ZDHHC15: variants seen among roughly 807,000 people sequenced by gnomAD.
ZDHHC15 encodes the protein palmitoyltransferase ZDHHC15.
ZDHHC15 carries 19 observed loss-of-function variants against 31.7 expected under a neutral mutation model. The ratio of observed to expected loss-of-function variants is 0.60; its 90% confidence interval spans 0.42 to 0.88. The LOEUF is 0.88. Ranked by LOEUF, ZDHHC15 falls within the 40% of genes least tolerant of loss-of-function variation. The probability of loss-of-function intolerance (pLI) is 0.00; values close to 1 mark genes in which losing one functional copy is unlikely to be tolerated. For synonymous variants in ZDHHC15, 103 were observed against 90.0 expected, an observed-to-expected ratio of 1.14 and a Z score of -0.82; for missense variants, 209 against 251.2, an observed-to-expected ratio of 0.83 and a Z score of 1.14.
At chrX:75,373,186 T>C (rs2083019664) in intron 11 of ZDHHC15, among the ~76,000 whole-genome samples, 1 of 111,826 alleles carries the variant, frequency 8.9e-6, no homozygotes, top group South Asian at 3.7e-4. Context: ...CTATTGAAAG[T>C]GGTGGATTCA....
chrX:75,514,673 G>A (rs377303333), intron 1 of ZDHHC15, among the ~76,000 whole-genome samples: 68 of 111,210 alleles, frequency 6.1e-4, no homozygotes, highest in Non-Finnish European at 1.1e-3. Context: ...CTGGAAAATC[G>A]GGACACTCCC....
At chrX:75,420,480 A>G (rs939913990) in intron 9 of ZDHHC15, among the ~76,000 whole-genome samples, 5 of 111,746 alleles carry the variant, frequency 4.5e-5, no homozygotes, top group African/African-American at 1.6e-4. Context: ...ATTATAAATC[A>G]TTCTACTATA....
intron 2 of ZDHHC15, chrX:75,501,774 C>A (rs2085091154): frequency 9.0e-6 from 1 of 111,514 alleles, no homozygotes. Context: ...ATGCCCTTTG[C>A]CCACTTTTCA....
intron 10 of ZDHHC15, among the ~76,000 whole-genome samples, chrX:75,382,798 T>C (rs1255076048): frequency 1.8e-5 from 2 of 111,931 alleles, no homozygotes; most frequent in Non-Finnish European, 3.8e-5. Context: ...AGGTTGAGGT[T>C]AGTCAGCTTG....
At chrX:75,502,052 G>A (rs370892447) in intron 2 of ZDHHC15, 5 of 111,917 alleles carry the variant, frequency 4.5e-5, no homozygotes, top group East Asian at 2.8e-4. Flanking sequence ...TCTTGTATCA[G>A]TTTGCTAGGG....
intron 9 of ZDHHC15, among the ~76,000 whole-genome samples, chrX:75,421,178 C>T (rs894918311): frequency 9.9e-6 from 1 of 101,227 alleles, no homozygotes; most frequent in Non-Finnish European, 2.0e-5. Flanking sequence ...TTGAATTTTT[C>T]GTTTTTCACT....
rs762749423 is a variant in ZDHHC15 at position 75,429,195 on chromosome X, A to G, written c.486T>C (p.Val162=). The G allele has an allele frequency of 1.7e-5, 20 of 1,194,437 alleles. No individual in the cohort carries two copies. Among genetic ancestry groups the G allele is most frequent in the Non-Finnish European group, 2.1e-5 (19 of 890,615 alleles). The change falls in exon 7 of 12, where the codon GTT becomes GTC. Residue 162 remains valine (V), a synonymous_variant. Coordinates refer to ENST00000373367, the MANE Select transcript of ZDHHC15 (RefSeq NM_144969.3). ...VLKMDHHCPW[V]NNCIGFSNYK... is the part of the protein sequence containing the mutation. The stretch of plus-strand genomic sequence containing the variant: ...AGTTGGAAAATCCAATGCAGTTATT[A>G]ACCCTAAAAAAAAAGAAAAACTAAT...
intron 4 of ZDHHC15, among the ~76,000 whole-genome samples, chrX:75,432,845 ATGG>A (rs891144195): frequency 1.9e-4 from 21 of 111,144 alleles, no homozygotes; most frequent in Admixed American, 9.6e-5. Context: ...TTAGCCAGGC[ATGG>A]TGGTGTGCAC....
rs1246113313 is a variant in ZDHHC15 at position 75,368,727 on chromosome X, T to A, written c.*4251A>T. 9.0e-6 allele frequency: 1 copy of A among 111,192 alleles called. No homozygotes were observed. The highest frequency in any genetic ancestry group is 1.9e-5 in the Non-Finnish European group (1 of 52,988). 9.2% of individuals were successfully genotyped at this position (111,192 alleles called of 1,213,427 possible). On this transcript the variant is annotated 3_prime_UTR_variant, in exon 12 of 12. Transcript: ENST00000373367. ...ATTCCTTGAATGCATCTTATCTAAT[T>A]TTTTTTTCCTTTAATGCCATTCCCT...
chrX:75,388,942 AGAGGCAC>A (rs937455002), intron 10 of ZDHHC15, among the ~76,000 whole-genome samples: 3 of 111,923 alleles, frequency 2.7e-5, no homozygotes, highest in Non-Finnish European at 5.6e-5. Flanking sequence ...TTTTAAGGAA[AGAGGCAC>A]TGAAGAGGGT....
intron 2 of ZDHHC15, among the ~76,000 whole-genome samples, chrX:75,491,134 C>T (rs2084881739): frequency 9.0e-6 from 1 of 110,755 alleles, no homozygotes; most frequent in Non-Finnish European, 1.9e-5. Flanking sequence ...GGGTATATAC[C>T]CAAAGGATTA....
At chrX:75,397,952 C>T (rs1375953381) in intron 10 of ZDHHC15, among the ~76,000 whole-genome samples, 11 of 112,057 alleles carry the variant, frequency 9.8e-5, no homozygotes, top group Admixed American at 5.6e-4. Context: ...GCAGAGCAGC[C>T]GCTCAGGCAT....
chrX:75,421,514 T>C (rs985299711), intron 9 of ZDHHC15, among the ~76,000 whole-genome samples: 1 of 72,711 alleles, frequency 1.4e-5, no homozygotes, highest in Admixed American at 1.8e-4. Context: ...AATGCTGTGA[T>C]GAACATTTTT....
chrX:75,445,409 C>G (rs754111093), intron 4 of ZDHHC15, among the ~76,000 whole-genome samples: 1 of 111,743 alleles, frequency 8.9e-6, no homozygotes, highest in African/African-American at 3.2e-5. Flanking sequence ...TTATGAGAAG[C>G]AAGTAGCTGG....
intron 9 of ZDHHC15, among the ~76,000 whole-genome samples, chrX:75,419,885 C>A (rs6607556): frequency 2.1e-5 from 2 of 93,282 alleles, no homozygotes; most frequent in African/African-American, 8.0e-5. Context: ...CACTTATAGG[C>A]GGGAATTGAA....
chrX:75,505,445 C>A (rs1282977419), intron 2 of ZDHHC15, among the ~76,000 whole-genome samples: 3 of 110,494 alleles, frequency 2.7e-5, no homozygotes, highest in Non-Finnish European at 3.8e-5. Flanking sequence ...AAGGAGTTAG[C>A]CTTTAAAGTC....
intron 4 of ZDHHC15, among the ~76,000 whole-genome samples, chrX:75,443,659 C>A (rs1333482225): frequency 8.9e-6 from 1 of 111,837 alleles, no homozygotes; most frequent in Non-Finnish European, 1.9e-5. Context: ...GCAAAAGAAA[C>A]TATCGTCAGA....
chrX:75,425,053 T>G (rs1035176426), intron 7 of ZDHHC15, among the ~76,000 whole-genome samples: 1 of 110,806 alleles, frequency 9.0e-6, no homozygotes, highest in African/African-American at 3.3e-5. Flanking sequence ...AAAAGGGTAA[T>G]GTGAAAAGGG....
At chrX:75,462,980 C>T (rs1325878802) in intron 3 of ZDHHC15, among the ~76,000 whole-genome samples, 1 of 110,305 alleles carries the variant, frequency 9.1e-6, no homozygotes, top group African/African-American at 3.3e-5. Context: ...TCAACAAATC[C>T]AGGGTTTTTT....
Sources: gnomAD v4.1 joint callset for allele counts (sites outside exome capture counted in the v4.1 genomes callset) on GRCh38, gnomAD v4.1.1 for gene constraint, MANE v1.5 for transcripts, NCBI Gene and HGNC (gene_info 2026-07-23, HGNC 2026-07-21) for gene names.